The following AGAP1 variants were observed in gnomAD, a reference collection of about 807,000 sequenced individuals.
The protein encoded by AGAP1 is ArfGAP with GTPase domain, ankyrin repeat and PH domain 1.
A neutral mutation model predicts 105.3 loss-of-function variants in AGAP1; 29 were observed. The observed-to-expected ratio is 0.28, with a 90% CI of 0.21 to 0.38. AGAP1 has a LOEUF of 0.38. Ranked by LOEUF, AGAP1 falls within the 10% of genes least tolerant of loss-of-function variation. The pLI, the probability that AGAP1 is intolerant of heterozygous loss-of-function variation, is 1.00. For synonymous variants in AGAP1, 509 were observed against 485.9 expected, an observed-to-expected ratio of 1.05 and a Z score of -0.63; for missense variants, 998 against 1,165.1, an observed-to-expected ratio of 0.86 and a Z score of 2.09.
At chr2:235,873,682 C>A (rs1048312378) in intron 9 of AGAP1, among the ~76,000 whole-genome samples, 1 of 152,184 alleles carries the variant, frequency 6.6e-6, no homozygotes, top group Non-Finnish European at 1.5e-5. Flanking sequence ...AGGCCAGTGC[C>A]GCTGTCCAGT....
Position 235,620,016 on chromosome 2 carries a change from C to T in AGAP1, c.164-89163C>T, listed in dbSNP as rs1946425271. On this transcript the variant is annotated intron_variant, in intron 1 of 17. Coordinates refer to ENST00000304032, the MANE Select transcript of AGAP1 (RefSeq NM_001037131.3). This position sits in a 1 kb window ranked among gnomAD's most constrained non-coding sequence, Gnocchi z 4.5. ...ACACATGTTACTGTCTCTGTAGCTG[C>T]CTGTGCCTCCAGGTGTGGTGCTGCC... 6.6e-6 allele frequency among the ~76,000 whole-genome samples: 1 copy of T among 152,186 alleles called. No homozygotes were observed. Among genetic ancestry groups the T allele is most frequent in the African/African-American group, 2.4e-5 (1 of 41,454 alleles).
intron 1 of AGAP1, among the ~76,000 whole-genome samples, chr2:235,583,793 G>A (rs1312834644): frequency 6.6e-6 from 1 of 151,110 alleles, no homozygotes; most frequent in African/African-American, 2.4e-5. Context: ...AGAATTGCCT[G>A]AACTCAGGAG....
At chr2:235,513,063 A>C (rs1039480200) in intron 1 of AGAP1, among the ~76,000 whole-genome samples, 1 of 152,062 alleles carries the variant, frequency 6.6e-6, no homozygotes, top group Admixed American at 6.5e-5. Context: ...GAGAAAATCT[A>C]GTTTGCACTT....
At chr2:235,826,292 T>C (rs1175353280) in intron 9 of AGAP1, among the ~76,000 whole-genome samples, 1 of 152,190 alleles carries the variant, frequency 6.6e-6, no homozygotes, top group Non-Finnish European at 1.5e-5. Flanking sequence ...AAGTCTAACC[T>C]CTGCCAACTC....
chr2:235,852,548 G>T, intron 9 of AGAP1: 1 of 782,334 alleles, frequency 1.3e-6, no homozygotes, highest in Non-Finnish European at 1.8e-6. Context: ...AAAGTTAGCC[G>T]TCAGTCAAGT....
At chr2:235,678,844 A>C (rs118048860) in intron 1 of AGAP1, among the ~76,000 whole-genome samples, 1 of 147,426 alleles carries the variant, frequency 6.8e-6, no homozygotes, top group Non-Finnish European at 1.5e-5. Flanking sequence ...CCTGCTTCCC[A>C]CTCCCGCTCT....
At chr2:235,913,800 C>T (rs889495245) in intron 11 of AGAP1, among the ~76,000 whole-genome samples, 4 of 152,080 alleles carry the variant, frequency 2.6e-5, no homozygotes, top group African/African-American at 7.2e-5. Context: ...GATACGGGCA[C>T]GTAAATAAAA....
In AGAP1 at chr2:235,961,120, C is replaced by G. The variant is rs2054166044; in HGVS notation, c.1484-7342C>G. On this transcript the variant is annotated intron_variant, in intron 12 of 17. Transcript: ENST00000304032. This position sits in a 1 kb window ranked among gnomAD's most constrained non-coding sequence, Gnocchi z 5.9. ...TGAGCGAAGGCCTGCCTTCCTGAAG[C>G]TCGAGCGCTCATAGGGAAGATGTTC... Among the ~76,000 whole-genome samples, 1 of 152,218 alleles carries G rather than the reference C, an allele frequency of 6.6e-6. No homozygotes were observed. Among genetic ancestry groups the G allele is most frequent in the African/African-American group, 2.4e-5 (1 of 41,464 alleles).
intron 11 of AGAP1, among the ~76,000 whole-genome samples, chr2:235,922,041 C>T (rs1001840947): frequency 6.6e-6 from 1 of 152,202 alleles, no homozygotes; most frequent in Admixed American, 6.5e-5. Flanking sequence ...TGACTGTTAA[C>T]GTCGCCTCCT....
chr2:235,759,750 A>G (rs984642421), intron 6 of AGAP1, among the ~76,000 whole-genome samples: 2 of 152,222 alleles, frequency 1.3e-5, no homozygotes, highest in Non-Finnish European at 2.9e-5. Context: ...TTTTTATGAA[A>G]CATGACATTG....
At chr2:235,538,427 A>ATGTGTGTG (rs57515821) in intron 1 of AGAP1, among the ~76,000 whole-genome samples, 2,033 of 135,384 alleles carry the variant, frequency 0.015, 72 homozygotes, top group Admixed American at 0.065. Context: ...CTCAGCCACT[A>ATGTGTGTG]TGTGTGTGTG....
At chr2:235,870,856 G>A (rs1320443695) in intron 9 of AGAP1, among the ~76,000 whole-genome samples, 1 of 152,196 alleles carries the variant, frequency 6.6e-6, no homozygotes, top group East Asian at 1.9e-4. Flanking sequence ...GCTTCCTGCT[G>A]TACTTAAAGT....
In AGAP1 at chr2:235,560,289, G is replaced by T. The variant is rs1944104387; in HGVS notation, c.163+65440G>T. ...TCATATCAGCATGCTTAGATCATTT[G>T]ATTGATTTTCTCTTCTTTCTTTCTC... On this transcript the variant is annotated intron_variant, in intron 1 of 17. Transcript: ENST00000304032. 2.6e-5 allele frequency among the ~76,000 whole-genome samples: 4 copies of T among 152,100 alleles called. No individual in the cohort carries two copies. In the South Asian group the frequency reaches 8.3e-4, roughly 32 times the overall value.
chr2:235,740,287 T>C lies in AGAP1; in HGVS notation c.311-676T>C, dbSNP rs1321714166. 2.0e-5 allele frequency among the ~76,000 whole-genome samples: 3 copies of C among 151,764 alleles called. No individual in the cohort carries two copies. The highest frequency in any genetic ancestry group is 2.9e-5 in the Non-Finnish European group (2 of 67,978). On this transcript the variant is annotated intron_variant, in intron 3 of 17. Coordinates refer to ENST00000304032, the MANE Select transcript of AGAP1 (RefSeq NM_001037131.3). This position sits in a 1 kb window ranked among gnomAD's most constrained non-coding sequence, Gnocchi z 5.7. ...CCCTCATGCCCGCACCCCCTCCTCATGGTCACCTCTGTTCCTGCAGGGTCC... is the reference window on the plus strand; with the variant it reads ...CCCTCATGCCCGCACCCCCTCCTCACGGTCACCTCTGTTCCTGCAGGGTCC...
chr2:235,680,700 C>T (rs960037717), intron 1 of AGAP1, among the ~76,000 whole-genome samples: 9 of 151,920 alleles, frequency 5.9e-5, no homozygotes, highest in African/African-American at 1.7e-4. Flanking sequence ...AGCATCCTGG[C>T]GCGGGTCTCC....
At chr2:236,048,978 C>G (rs547840471) in intron 15 of AGAP1, 81 bp from the exon 16 acceptor site, 6 of 1,331,024 alleles carry the variant, frequency 4.5e-6, no homozygotes, top group East Asian at 2.3e-5. Flanking sequence ...TTGACTGATT[C>G]GTCGCCTTGT....
At chr2:236,006,689 A>G (rs1486350045) in intron 13 of AGAP1, among the ~76,000 whole-genome samples, 3 of 152,316 alleles carry the variant, frequency 2.0e-5, no homozygotes, top group East Asian at 1.9e-4. Flanking sequence ...TTTTTATTGT[A>G]GAGTCTCCAA....
At chr2:235,672,403 G>A (rs1012571257) in intron 1 of AGAP1, among the ~76,000 whole-genome samples, 1 of 152,342 alleles carries the variant, frequency 6.6e-6, no homozygotes. Context: ...TGTTTCACTA[G>A]TGAGGCTACA....
At chr2:235,717,146 TC>T (rs1951154203) in intron 2 of AGAP1, among the ~76,000 whole-genome samples, 2 of 151,970 alleles carry the variant, frequency 1.3e-5, no homozygotes, top group African/African-American at 4.8e-5. Flanking sequence ...CATGCATGGG[TC>T]CTCGCCACTC....
Sources: gnomAD v4.1 joint callset for allele counts (sites outside exome capture counted in the v4.1 genomes callset) on GRCh38, gnomAD v4.1.1 for gene constraint, Gnocchi (gnomAD v3.1) non-coding constraint, MANE v1.5 for transcripts, NCBI Gene and HGNC (gene_info 2026-07-23, HGNC 2026-07-21) for gene names.